The following TENM3 variants were observed in gnomAD, a reference collection of about 807,000 sequenced individuals.
TENM3 encodes the protein teneurin transmembrane protein 3, also known as teneurin-3.
In TENM3, 63 loss-of-function variants were observed where a neutral mutation model predicts 255.1. That is an observed-to-expected ratio of 0.25 (90% CI 0.20 to 0.30). The LOEUF (loss-of-function observed/expected upper bound fraction) is 0.30, where lower values mean the gene tolerates loss of function less well. Among genes scored for constraint, TENM3 ranks in the 10% least tolerant of loss-of-function variants. The probability of loss-of-function intolerance (pLI) is 1.00; values close to 1 mark genes in which losing one functional copy is unlikely to be tolerated. For synonymous variants in TENM3, 1,306 were observed against 1,322.3 expected (o/e 0.99, Z 0.27); for missense variants, 2,929 against 3,461.1 (o/e 0.85, Z 3.86).
At chr4:181,610,685 G>A in the TENM3 span, among the ~76,000 whole-genome samples, 1 of 151,928 alleles carries the variant, frequency 6.6e-6, no homozygotes, top group African/African-American at 2.4e-5. Flanking sequence ...GGGGGAAGCA[G>A]GATATTTAAC....
chr4:181,866,081 A>G, the TENM3 span, among the ~76,000 whole-genome samples: 1 of 152,192 alleles, frequency 6.6e-6, no homozygotes, highest in African/African-American at 2.4e-5. Context: ...GGTTTTTGCA[A>G]GGGAAAAGTT....
chr4:182,778,250 T>TA (rs1432748894), intron 24 of TENM3, among the ~76,000 whole-genome samples: 2 of 152,016 alleles, frequency 1.3e-5, no homozygotes, highest in African/African-American at 2.4e-5. Context: ...TTCAGAGGCT[T>TA]AGAGAAAAAA....
chr4:181,726,566 GA>G, the TENM3 span, among the ~76,000 whole-genome samples: 10 of 151,986 alleles, frequency 6.6e-5, no homozygotes, highest in South Asian at 2.1e-4. Flanking sequence ...TTTATTGGAG[GA>G]AAAAAACTAA....
intron 1 of TENM3, among the ~76,000 whole-genome samples, chr4:182,189,004 G>A (rs573084820): frequency 3.3e-5 from 5 of 151,728 alleles, no homozygotes; most frequent in South Asian, 4.2e-4. Flanking sequence ...AAAATATTGC[G>A]GCCTTTAAAA....
chr4:181,719,098 C>G, the TENM3 span, among the ~76,000 whole-genome samples: 5 of 151,084 alleles, frequency 3.3e-5, no homozygotes, highest in African/African-American at 1.2e-4. Flanking sequence ...CCCAGCTACT[C>G]GGGAGGCTGA....
rs3072378 is a variant in TENM3 at position 182,389,691 on chromosome 4, C to CTTT, written c.511+42772_511+42774dup. 6.0e-5 allele frequency among the ~76,000 whole-genome samples: 8 copies of CTTT among 133,194 alleles called. 3 individuals are homozygous for CTTT. Among genetic ancestry groups the CTTT allele is most frequent in the South Asian group, 4.6e-4 (2 of 4,366 alleles). The allele number at this position is 133,194 out of a possible 152,430, so 87.4% of individuals were successfully genotyped here. On this transcript the variant is annotated intron_variant, in intron 3 of 27. Coordinates refer to ENST00000511685, the MANE Select transcript of TENM3 (RefSeq NM_001080477.4). Reference sequence around the variant, plus strand: ...CAAAGCTGCACTGCAGTAGATGACTCTTTTTTTTTTTTGAGACGGAGTCTC... The same window carrying CTTT: ...CAAAGCTGCACTGCAGTAGATGACTCTTTTTTTTTTTTTTTGAGACGGAGTCTC...
chr4:182,487,826 G>A (rs770495416), intron 3 of TENM3, among the ~76,000 whole-genome samples: 1 of 152,156 alleles, frequency 6.6e-6, no homozygotes, highest in Non-Finnish European at 1.5e-5. Context: ...GGTCCAGTGG[G>A]TGAACATAGT....
chr4:181,556,025 ATTTTCCAGG>A, the TENM3 span, among the ~76,000 whole-genome samples: 1 of 152,040 alleles, frequency 6.6e-6, no homozygotes, highest in African/African-American at 2.4e-5. Flanking sequence ...GTCAAAAAAT[ATTTTCCAGG>A]TTTTCATGTG....
intron 1 of TENM3, among the ~76,000 whole-genome samples, chr4:182,192,998 C>G (rs952294033): frequency 6.6e-6 from 1 of 152,168 alleles, no homozygotes; most frequent in Non-Finnish European, 1.5e-5. Flanking sequence ...CTCACCTAAT[C>G]TTCCTATCAT....
intron 3 of TENM3, among the ~76,000 whole-genome samples, chr4:182,472,284 C>T (rs1268175366): frequency 6.6e-6 from 1 of 152,046 alleles, no homozygotes; most frequent in African/African-American, 2.4e-5. Context: ...GTAATTTCTA[C>T]TCTAATCTTT....
chr4:182,463,447 C>T, intron 3 of TENM3, among the ~76,000 whole-genome samples: 1 of 151,100 alleles, frequency 6.6e-6, no homozygotes, highest in East Asian at 1.9e-4. Flanking sequence ...GCAATGGGTG[C>T]AATACTTTAG....
At chr4:181,554,307 A>G in the TENM3 span, among the ~76,000 whole-genome samples, 2 of 152,202 alleles carry the variant, frequency 1.3e-5, no homozygotes, top group Non-Finnish European at 2.9e-5. Flanking sequence ...ATGTACAGCT[A>G]AAGAAAACAT....
chr4:182,033,522 A>C, the TENM3 span, among the ~76,000 whole-genome samples: 2 of 152,114 alleles, frequency 1.3e-5, no homozygotes, highest in African/African-American at 2.4e-5. Flanking sequence ...TTGTTTTTCG[A>C]GGGAGAGTTC....
chr4:182,762,445 GATA>G (rs1763280096), intron 22 of TENM3, among the ~76,000 whole-genome samples: 1 of 151,920 alleles, frequency 6.6e-6, no homozygotes, highest in Non-Finnish European at 1.5e-5. Context: ...TAAAACGATT[GATA>G]ATAAAGCAAT....
the TENM3 span, among the ~76,000 whole-genome samples, chr4:181,768,005 G>A: frequency 6.6e-6 from 1 of 152,164 alleles, no homozygotes; most frequent in Non-Finnish European, 1.5e-5. Flanking sequence ...TAATGTAAAT[G>A]CAGAAGGCAA....
chr4:181,679,648 T>G, the TENM3 span, among the ~76,000 whole-genome samples: 1 of 152,248 alleles, frequency 6.6e-6, no homozygotes, highest in Non-Finnish European at 1.5e-5. Flanking sequence ...ACCTTCCTCC[T>G]GAGGGAATAT....
At chr4:181,802,688 A>T in the TENM3 span, among the ~76,000 whole-genome samples, 1 of 152,106 alleles carries the variant, frequency 6.6e-6, no homozygotes, top group East Asian at 1.9e-4. Context: ...TCGTCTTTCA[A>T]ATTTAATTAT....
At chr4:182,762,507 A>G (rs1309545725) in intron 22 of TENM3, among the ~76,000 whole-genome samples, 3 of 152,214 alleles carry the variant, frequency 2.0e-5, no homozygotes, top group African/African-American at 4.8e-5. Flanking sequence ...ATGTTTTACA[A>G]TCACAGAACT....
the TENM3 span, among the ~76,000 whole-genome samples, chr4:182,000,746 A>G: frequency 6.7e-6 from 1 of 150,028 alleles, no homozygotes; most frequent in African/African-American, 2.5e-5. Flanking sequence ...GGAGTCTACA[A>G]TTTGGGAAAA....
Sources: allele counts gnomAD v4.1 joint callset (sites outside exome capture counted in the v4.1 genomes callset), GRCh38; gene constraint gnomAD v4.1.1; transcripts MANE v1.5; gene names NCBI Gene and HGNC (gene_info 2026-07-23, HGNC 2026-07-21).